QTGAL: variants seen among roughly 807,000 people sequenced by gnomAD.
QTGAL encodes the protein queuosine-tRNA galactosyltransferase.
chr17:83,016,275 C>T, the QTGAL span, among the ~76,000 whole-genome samples: 1 of 152,168 alleles, frequency 6.6e-6, no homozygotes, highest in Non-Finnish European at 1.5e-5. Flanking sequence ...GGAAGGATAT[C>T]TGTTTTTAAG....
At chr17:82,970,622 G>GCGTGGACGCGACCTCCGCACCCA in the QTGAL span, among the ~76,000 whole-genome samples, 2 of 60,018 alleles carry the variant, frequency 3.3e-5, no homozygotes, top group African/African-American at 1.7e-4. Context: ...CTCCCCACCC[G>GCGTGGACGCGACCTCCGCACCCA]GCGTGGCCGC....
chr17:83,028,435 A>C, the QTGAL span, among the ~76,000 whole-genome samples: 1,107 of 150,042 alleles, frequency 7.4e-3, 15 homozygotes, highest in African/African-American at 0.026. Context: ...GAGGCAGGAG[A>C]ATGGCGTGAA....
the QTGAL span, chr17:83,006,341 G>A: frequency 4.1e-6 from 4 of 985,360 alleles, no homozygotes; most frequent in African/African-American, 3.5e-5. This position sits in a 1 kb window ranked among gnomAD's most constrained non-coding sequence, Gnocchi z 5.8. Context: ...GACGTGCTTG[G>A]GGGAGGCTTC....
At chr17:82,957,186 A>G in the QTGAL span, 1 of 1,614,178 alleles carries the variant, frequency 6.2e-7, no homozygotes, top group East Asian at 2.2e-5. Flanking sequence ...CACACCTGAG[A>G]GTCCTCGTGG....
chr17:82,998,100 A>C, the QTGAL span, among the ~76,000 whole-genome samples: 1 of 151,912 alleles, frequency 6.6e-6, no homozygotes, highest in Admixed American at 6.6e-5. Context: ...CTTAAAAATA[A>C]CTAAAAGAAT....
chr17:82,970,810 G>T, the QTGAL span, among the ~76,000 whole-genome samples: 2 of 152,234 alleles, frequency 1.3e-5, no homozygotes, highest in Non-Finnish European at 2.9e-5. Flanking sequence ...ATAGGAAAAA[G>T]AATGTAAAAT....
At chr17:83,034,985 C>T in the QTGAL span, 6 of 1,405,602 alleles carry the variant, frequency 4.3e-6, no homozygotes, top group Non-Finnish European at 5.9e-6. Flanking sequence ...TTTAATTATT[C>T]AACCAACATG....
chr17:82,958,302 C>A, the QTGAL span, among the ~76,000 whole-genome samples: 8 of 152,218 alleles, frequency 5.3e-5, no homozygotes, highest in East Asian at 1.9e-4. Flanking sequence ...GATGTAGCCA[C>A]GCTGAAGCCC....
the QTGAL span, among the ~76,000 whole-genome samples, chr17:83,027,045 G>A: frequency 1.4e-5 from 2 of 147,392 alleles, no homozygotes; most frequent in African/African-American, 2.5e-5. Flanking sequence ...ACCCTCGACA[G>A]ACACGCAGAG....
the QTGAL span, among the ~76,000 whole-genome samples, chr17:82,970,648 T>TGTGGACAGGACCTCCCCACCCAGC: frequency 3.0e-5 from 1 of 33,536 alleles, no homozygotes; most frequent in African/African-American, 1.3e-4. Context: ...CCGCACCCGG[T>TGTGGACAGGACCTCCCCACCCAGC]GTGGCCGCGA....
the QTGAL span, among the ~76,000 whole-genome samples, chr17:83,027,436 T>C: frequency 6.4e-4 from 97 of 152,260 alleles, no homozygotes; most frequent in African/African-American, 2.0e-3. Flanking sequence ...AAAACACAAC[T>C]TCTCCTTCGG....
chr17:83,035,799 G>A, the QTGAL span, among the ~76,000 whole-genome samples: 2 of 146,264 alleles, frequency 1.4e-5, no homozygotes, highest in African/African-American at 2.7e-5. Context: ...TCACAAGAGG[G>A]AAGTTGGGGG....
the QTGAL span, among the ~76,000 whole-genome samples, chr17:82,968,519 G>A: frequency 6.6e-6 from 1 of 150,928 alleles, no homozygotes; most frequent in African/African-American, 2.4e-5. Context: ...AGTCACCAGT[G>A]TGCACGGTGC....
chr17:83,049,032 TTA>T, the QTGAL span: 1 of 473,052 alleles, frequency 2.1e-6, no homozygotes, highest in East Asian at 4.0e-5. Context: ...GGTGGGTGGA[TTA>T]CAAGGTCAGG....
At chr17:83,046,015 G>T in the QTGAL span, among the ~76,000 whole-genome samples, 101 of 152,172 alleles carry the variant, frequency 6.6e-4, 1 homozygote, top group Middle Eastern at 0.01. Context: ...GTAGAGACGG[G>T]GTTTCACCAT....
chr17:82,956,948 A>T, the QTGAL span: 1 of 948,846 alleles, frequency 1.1e-6, no homozygotes, highest in East Asian at 2.6e-5. This position sits in a 1 kb window ranked among gnomAD's most constrained non-coding sequence, Gnocchi z 5.7. Flanking sequence ...GGCTCCCGCC[A>T]CCCCCGCCTG....
the QTGAL span, among the ~76,000 whole-genome samples, chr17:83,007,416 C>G: frequency 1.3e-5 from 2 of 152,224 alleles, no homozygotes; most frequent in Non-Finnish European, 2.9e-5. Context: ...TATACTGTCT[C>G]ACGTTTGACT....
At chr17:83,042,462 T>C in the QTGAL span, among the ~76,000 whole-genome samples, 1 of 152,250 alleles carries the variant, frequency 6.6e-6, no homozygotes, top group Admixed American at 6.5e-5. Context: ...TGATTGAAGC[T>C]AAGTGTTAAT....
chr17:82,973,725 C>T, the QTGAL span, among the ~76,000 whole-genome samples: 30 of 152,234 alleles, frequency 2.0e-4, no homozygotes, highest in Admixed American at 1.2e-3. Flanking sequence ...TAGTTGTAAG[C>T]GTCAAACGAG....
Sources: gnomAD v4.1 joint callset for allele counts (sites outside exome capture counted in the v4.1 genomes callset) on GRCh38, gnomAD v4.1.1 for gene constraint, Gnocchi (gnomAD v3.1) non-coding constraint, MANE v1.5 for transcripts, NCBI Gene and HGNC (gene_info 2026-07-23, HGNC 2026-07-21) for gene names.